The following CDC42SE2 variants were observed in gnomAD, a reference collection of about 807,000 sequenced individuals.
CDC42SE2 encodes CDC42 small effector protein 2.
Under a neutral mutation model 11.5 loss-of-function variants are expected in CDC42SE2, and 3 were observed. The ratio of observed to expected loss-of-function variants is 0.26; its 90% CI spans 0.12 to 0.67. The LOEUF is 0.67. Among genes scored for constraint, CDC42SE2 ranks in the 30% least tolerant of loss-of-function variants. The pLI is 0.80. For synonymous variants in CDC42SE2, 33 were observed against 34.8 expected (o/e 0.95, Z 0.18); for missense variants, 82 against 106.8 (o/e 0.77, Z 1.02).
At chr5:131,294,514 C>G (rs1211038031) in intron 1 of CDC42SE2, among the ~76,000 whole-genome samples, 1 of 152,006 alleles carries the variant, frequency 6.6e-6, no homozygotes, top group Non-Finnish European at 1.5e-5. Context: ...TTATGGAGCC[C>G]TACATTCTAG....
At chr5:131,342,388 CTTTTTT>C (rs35818778) in intron 2 of CDC42SE2, among the ~76,000 whole-genome samples, 1 of 111,334 alleles carries the variant, frequency 9.0e-6, no homozygotes, top group African/African-American at 4.4e-5. Flanking sequence ...TTTTAATAGT[CTTTTTT>C]TTTTTTTTTT....
At chr5:131,285,482 G>A (rs986700726) in intron 1 of CDC42SE2, among the ~76,000 whole-genome samples, 1 of 152,040 alleles carries the variant, frequency 6.6e-6, no homozygotes, top group Non-Finnish European at 1.5e-5. Context: ...TTTTCACATG[G>A]ACCTAAGCAT....
intron 2 of CDC42SE2, among the ~76,000 whole-genome samples, chr5:131,333,267 C>G (rs998173847): frequency 1.1e-4 from 17 of 152,116 alleles, no homozygotes; most frequent in African/African-American, 4.1e-4. Context: ...TGTCAAAGAT[C>G]AGAGAGTTGT....
chr5:131,317,073 G>C (rs778035516), intron 2 of CDC42SE2, among the ~76,000 whole-genome samples: 1 of 151,984 alleles, frequency 6.6e-6, no homozygotes, highest in Admixed American at 6.6e-5. Flanking sequence ...ATAAGTATTT[G>C]AAAAACCAAT....
At chr5:131,348,693 A>C (rs1438281867) in intron 2 of CDC42SE2, among the ~76,000 whole-genome samples, 2 of 152,196 alleles carry the variant, frequency 1.3e-5, no homozygotes, top group East Asian at 3.8e-4. Context: ...AGTCAATCCT[A>C]AGCCAAAAGA....
chr5:131,284,995 A>G (rs1378959022), intron 1 of CDC42SE2, among the ~76,000 whole-genome samples: 2 of 151,984 alleles, frequency 1.3e-5, no homozygotes, highest in Non-Finnish European at 2.9e-5. Context: ...TCTCTAAAAA[A>G]ACAAAACCCA....
At chr5:131,360,204 TC>T (rs764700745) in intron 3 of CDC42SE2, among the ~76,000 whole-genome samples, 12 of 152,346 alleles carry the variant, frequency 7.9e-5, no homozygotes, top group Middle Eastern at 3.4e-3. Context: ...CACTGCAACT[TC>T]CGCCTCCTGG....
rs184399574 is a variant in CDC42SE2 at position 131,247,229 on chromosome 5, G to A, written n.107+1630G>A. ...AAATCCAACAATGTATTTTAAAAAG[G>A]TAATATCCTACAACCAATAGTTTAA... On this transcript the variant is annotated intron_variant and non_coding_transcript_variant, in intron 1 of 3. Transcript: ENST00000502840. 1.6e-3 allele frequency among the ~76,000 whole-genome samples: 239 copies of A among 152,108 alleles called. 1 individual carries two copies. The highest frequency in any genetic ancestry group is 5.2e-3 in the African/African-American group (215 of 41,480).
At chr5:131,292,837 A>G (rs1757486859) in intron 1 of CDC42SE2, among the ~76,000 whole-genome samples, 1 of 143,968 alleles carries the variant, frequency 6.9e-6, no homozygotes, top group African/African-American at 2.6e-5. Context: ...GCTTGAGCAC[A>G]GGAGATTGAG....
chr5:131,268,041 G>A (rs1756907417), intron 1 of CDC42SE2, among the ~76,000 whole-genome samples: 1 of 139,054 alleles, frequency 7.2e-6, no homozygotes, highest in Non-Finnish European at 1.5e-5. Flanking sequence ...AGAAGTACAT[G>A]TACATGCTTA....
chr5:131,387,319 C>T (rs891588085), intron 4 of CDC42SE2, among the ~76,000 whole-genome samples: 2 of 152,082 alleles, frequency 1.3e-5, no homozygotes, highest in Non-Finnish European at 2.9e-5. Flanking sequence ...GAGGCTGAGG[C>T]AGGTGGATCA....
At chr5:131,290,060 T>C (rs1461376672) in intron 1 of CDC42SE2, among the ~76,000 whole-genome samples, 2 of 152,166 alleles carry the variant, frequency 1.3e-5, no homozygotes, top group Admixed American at 6.5e-5. Context: ...TTGCCCAGGC[T>C]GGTCTTCACC....
chr5:131,329,612 C>G (rs1031094103), intron 2 of CDC42SE2, among the ~76,000 whole-genome samples: 4 of 151,966 alleles, frequency 2.6e-5, no homozygotes, highest in Non-Finnish European at 4.4e-5. Flanking sequence ...GGCGCGGTAG[C>G]TCACACCTGT....
upstream of CDC42SE2, among the ~76,000 whole-genome samples, chr5:131,263,514 T>C (rs1038396823): frequency 1.3e-5 from 2 of 152,202 alleles, no homozygotes; most frequent in South Asian, 4.1e-4. Flanking sequence ...TAGCCAGCCT[T>C]AAACCAGTTA....
intron 1 of CDC42SE2, among the ~76,000 whole-genome samples, chr5:131,298,581 T>G (rs141105267): frequency 4.4e-4 from 67 of 150,946 alleles, no homozygotes; most frequent in South Asian, 1.3e-3. Flanking sequence ...GGCATCCCAG[T>G]ATCTTTTTGG....
chr5:131,350,936 A>ATTATTTTATT (rs370789354), intron 2 of CDC42SE2, among the ~76,000 whole-genome samples: 4 of 151,872 alleles, frequency 2.6e-5, no homozygotes, highest in African/African-American at 9.7e-5. Context: ...ATGTTACTCA[A>ATTATTTTATT]TTATTTTATT....
chr5:131,364,079 A>G (rs1191925027), intron 3 of CDC42SE2, among the ~76,000 whole-genome samples: 1 of 152,204 alleles, frequency 6.6e-6, no homozygotes, highest in Admixed American at 6.5e-5. Context: ...TGAGCCAGGT[A>G]GTGGTGAGAT....
At chr5:131,307,024 A>T (rs892928094) in intron 1 of CDC42SE2, among the ~76,000 whole-genome samples, 1 of 152,086 alleles carries the variant, frequency 6.6e-6, no homozygotes, top group African/African-American at 2.4e-5. Context: ...AGATCATGTC[A>T]TCAGCAAACA....
At chr5:131,321,508 A>G (rs1270411382) in intron 2 of CDC42SE2, among the ~76,000 whole-genome samples, 1 of 152,152 alleles carries the variant, frequency 6.6e-6, no homozygotes, top group African/African-American at 2.4e-5. Context: ...TGGTACTGAT[A>G]TTGCCTGATT....
Sources: gnomAD v4.1 joint callset for allele counts (sites outside exome capture counted in the v4.1 genomes callset) on GRCh38, gnomAD v4.1.1 for gene constraint, MANE v1.5 for transcripts, NCBI Gene and HGNC (gene_info 2026-07-23, HGNC 2026-07-21) for gene names.